SPATA21: variants seen among roughly 807,000 people sequenced by gnomAD.
SPATA21 encodes spermatogenesis-associated protein 21.
In SPATA21, 47 loss-of-function variants were observed where a neutral mutation model predicts 54.8. The ratio of observed to expected loss-of-function variants is 0.86; its 90% CI spans 0.68 to 1.09. The LOEUF is 1.09. Among genes scored for constraint, SPATA21 ranks in the 50% least tolerant of loss-of-function variants. SPATA21 has a pLI of 0.00. For synonymous variants in SPATA21, 245 were observed against 235.3 expected (o/e 1.04, Z -0.38); for missense variants, 599 against 596.4 (o/e 1.00, Z -0.05).
chr1:16,412,792 T>A (rs2085889400), intron 5 of SPATA21, among the ~76,000 whole-genome samples: 1 of 151,688 alleles, frequency 6.6e-6, no homozygotes, highest in Non-Finnish European at 1.5e-5. Flanking sequence ...TTTTCTTTCT[T>A]TCTTTCTTTC....
At chr1:16,418,584 C>G (rs1432007711) in intron 5 of SPATA21, among the ~76,000 whole-genome samples, 1 of 146,310 alleles carries the variant, frequency 6.8e-6, no homozygotes, top group African/African-American at 2.5e-5. Context: ...TTTTTTTTTT[C>G]CAAGACAGAG....
At chr1:16,431,171 A>T (rs2086447379) in intron 3 of SPATA21, 167 bp downstream of exon 3, 1 of 1,473,090 alleles carries the variant, frequency 6.8e-7, no homozygotes, top group Admixed American at 2.4e-5. Flanking sequence ...GCTGGGGAGG[A>T]AGCCTGGGCA....
chr1:16,404,762 A>C (rs1158297818), intron 8 of SPATA21, among the ~76,000 whole-genome samples: 2 of 152,214 alleles, frequency 1.3e-5, no homozygotes, highest in East Asian at 3.8e-4. Flanking sequence ...GTGAGCAGGG[A>C]TCACAGCATT....
chr1:16,421,359 A>C lies in SPATA21; in HGVS notation c.144+150T>G. 1.4e-6 allele frequency: 1 copy of C among 729,758 alleles called. No individual in the cohort carries two copies. The highest frequency in any genetic ancestry group is 1.8e-5 in the African/African-American group (1 of 56,466). 45.2% of individuals were successfully genotyped at this position (729,758 alleles called of 1,614,324 possible). A position where few individuals can be genotyped will look rare whatever the true frequency, so the allele number is the denominator to read the frequency against. On this transcript the variant is annotated intron_variant, in intron 5 of 12. Coordinates refer to ENST00000335496, the MANE Select transcript of SPATA21 (RefSeq NM_198546.1). The surrounding 1 kb of genome is among the most constrained non-coding windows in gnomAD (Gnocchi z 5.2). ...CACACACGTGTGCACATCCATGTGC[A>C]CTTTAACACACAGCCACACACACCT...
intron 7 of SPATA21, among the ~76,000 whole-genome samples, chr1:16,408,151 G>A (rs1315712464): frequency 6.6e-6 from 1 of 152,158 alleles, no homozygotes; most frequent in Non-Finnish European, 1.5e-5. Flanking sequence ...CGAAGACAGA[G>A]GAAGGGGCCG....
intron 3 of SPATA21, among the ~76,000 whole-genome samples, chr1:16,423,385 C>T (rs1208541530): frequency 7.0e-6 from 1 of 143,698 alleles, no homozygotes; most frequent in Non-Finnish European, 1.5e-5. Context: ...TGCACTCCAG[C>T]CTGGGCAACA....
chr1:16,408,210 G>A (rs2085709394), intron 7 of SPATA21, among the ~76,000 whole-genome samples: 1 of 152,192 alleles, frequency 6.6e-6, no homozygotes, highest in Non-Finnish European at 1.5e-5. Context: ...GGGATGGAAG[G>A]AGGATGTACA....
chr1:16,411,587 G>A (rs530775206), intron 5 of SPATA21, among the ~76,000 whole-genome samples: 7 of 152,112 alleles, frequency 4.6e-5, no homozygotes, highest in Admixed American at 3.9e-4. Context: ...TCAGGAGATC[G>A]AGACCATCTT....
At chr1:16,399,210 CT>C (rs2085367360) in intron 12 of SPATA21, 133 bp downstream of exon 12, 1 of 1,063,868 alleles carries the variant, frequency 9.4e-7, no homozygotes, top group Non-Finnish European at 1.3e-6. Context: ...GCCTTTTACC[CT>C]TTCTCCTCCC....
intron 1 of SPATA21, among the ~76,000 whole-genome samples, chr1:16,436,157 C>G (rs968003182): frequency 6.6e-6 from 1 of 151,818 alleles, no homozygotes; most frequent in African/African-American, 2.4e-5. Flanking sequence ...GAGGCCGAGG[C>G]GGGCAGATCA....
Position 16,428,134 on chromosome 1 carries a change from C to T in SPATA21, c.34+3204G>A. 1 of 1,314,664 alleles carries T rather than the reference C, an allele frequency of 7.6e-7. No homozygotes were observed. Among genetic ancestry groups the T allele is most frequent in the Non-Finnish European group, 1.0e-6 (1 of 985,824 alleles). The allele number at this position is 1,314,664 out of a possible 1,614,324, so 81.4% of individuals were successfully genotyped here. A position where few individuals can be genotyped will look rare whatever the true frequency, so the allele number is the denominator to read the frequency against. On this transcript the variant is annotated intron_variant, in intron 3 of 12. Transcript: ENST00000335496. The surrounding 1 kb of genome is among the most constrained non-coding windows in gnomAD (Gnocchi z 4.3). The stretch of plus-strand genomic sequence containing the variant: ...GCCTCAAGGACAGGGAGATCCTGTG[C>T]CTGATTGGGGAAGCTGTTGGAGAGG...
intron 5 of SPATA21, among the ~76,000 whole-genome samples, chr1:16,412,738 C>T (rs983076370): frequency 2.6e-5 from 4 of 151,114 alleles, no homozygotes; most frequent in African/African-American, 7.3e-5. Flanking sequence ...GCTGGGATTA[C>T]AGGCATGAGC....
In SPATA21 at chr1:16,398,779, C is replaced by T; in HGVS notation, c.1396G>A (p.Ala466Thr). The change falls in exon 13 of 13, where the codon GCT becomes ACT. Residue 466 changes from alanine to threonine, a missense_variant. By Grantham distance (58) the Ala-to-Thr change is moderately conservative. Transcript: ENST00000335496. ...DSRKWLSSVPARTH is the reference protein window; with the variant it reads ...DSRKWLSSVPTRTH ...CCTCCAGAGGGTCAGTGGGTTCGAG[C>T]TGGCACAGAGCTGAGCCACTTTCTG... 6.2e-7 allele frequency: 1 copy of T among 1,613,850 alleles called. No homozygotes were observed. The highest frequency in any genetic ancestry group is 1.1e-5 in the South Asian group (1 of 91,074).
Position 16,409,138 on chromosome 1 carries a change from A to T in SPATA21, c.653T>A (p.Leu218Gln). The T allele has an allele frequency of 6.2e-7, 1 of 1,614,060 alleles. No homozygotes were observed. Among genetic ancestry groups the T allele is most frequent in the Non-Finnish European group, 8.5e-7 (1 of 1,179,972 alleles). The change falls in exon 7 of 13, where the codon CTG becomes CAG. Residue 218 changes from leucine to glutamine, a missense_variant. Transcript: ENST00000335496. This position sits in a 1 kb window ranked among gnomAD's most constrained non-coding sequence, Gnocchi z 4.1. ...CTCACCTTCCTCTTGCTTCAGGGTC[A>T]GTTGCTCCTCGGACTTCTCCCGGTT... Reference protein sequence around the residue: ...YQNREKSEEQLTLKQEEAFRS... With the variant: ...YQNREKSEEQQTLKQEEAFRS...
In SPATA21 at chr1:16,399,494, T is replaced by C; in HGVS notation, c.1202A>G (p.Gln401Arg). The stretch of plus-strand genomic sequence containing the variant: ...TGGGCAGAGCAGGATGCAGGGCACC[T>C]GGGCATAGGGGCTCTGCAGGTTGGG... ...YAPNLQSPYA[Q>R]VPCILLCPQL... The change falls in exon 12 of 13, where the codon CAG becomes CGG. Residue 401 changes from glutamine (Q) to arginine (R), a missense_variant. Coordinates refer to ENST00000335496, the MANE Select transcript of SPATA21 (RefSeq NM_198546.1). The C allele has an allele frequency of 6.2e-7, 1 of 1,613,988 alleles. No individual in the cohort carries two copies. Among genetic ancestry groups the C allele is most frequent in the Non-Finnish European group, 8.5e-7 (1 of 1,179,978 alleles).
intron 5 of SPATA21, among the ~76,000 whole-genome samples, chr1:16,419,971 A>G (rs534107906): frequency 6.6e-6 from 1 of 152,082 alleles, no homozygotes; most frequent in Admixed American, 6.5e-5. Flanking sequence ...TCGCCTGAAG[A>G]TATGGATTTG....
intron 3 of SPATA21, among the ~76,000 whole-genome samples, chr1:16,424,719 T>A (rs981399285): frequency 7.2e-5 from 11 of 151,974 alleles, no homozygotes; most frequent in Admixed American, 2.6e-4. Context: ...TGGCCTCTAA[T>A]CATATCTTGC....
At chr1:16,434,289 CTTT>C (rs1423221525) in intron 1 of SPATA21, among the ~76,000 whole-genome samples, 5 of 141,626 alleles carry the variant, frequency 3.5e-5, no homozygotes, top group South Asian at 2.3e-4. Flanking sequence ...TTTTTTCTTT[CTTT>C]TTTTTTTTTT....
chr1:16,425,164 G>A (rs760218090), intron 3 of SPATA21: 23 of 467,872 alleles, frequency 4.9e-5, no homozygotes, highest in Middle Eastern at 3.5e-4. Context: ...GCCTCCTTCG[G>A]CCTCCAGAAG....
Sources: gnomAD v4.1 joint callset for allele counts (sites outside exome capture counted in the v4.1 genomes callset) on GRCh38, gnomAD v4.1.1 for gene constraint, Gnocchi (gnomAD v3.1) non-coding constraint, MANE v1.5 for transcripts, NCBI Gene and HGNC (gene_info 2026-07-23, HGNC 2026-07-21) for gene names.